The following TMEM106A variants were observed in gnomAD, a reference collection of about 807,000 sequenced individuals.
The protein encoded by TMEM106A is transmembrane protein 106A.
Under a neutral mutation model 25.1 loss-of-function variants are expected in TMEM106A, and 22 were observed. The observed-to-expected ratio is 0.88, with a 90% CI of 0.63 to 1.25. TMEM106A has a LOEUF of 1.25. TMEM106A is among the 50% of genes most tolerant of loss of function. The pLI is 0.00. For synonymous variants in TMEM106A, 104 were observed against 129.9 expected, an observed-to-expected ratio of 0.80 and a Z score of 1.35; for missense variants, 275 against 318.1, an observed-to-expected ratio of 0.86 and a Z score of 1.03.
intron 5 of TMEM106A, 22 bp downstream of exon 5, chr17:43,215,963 C>T (rs1287910290): frequency 1.9e-6 from 3 of 1,613,280 alleles, no homozygotes; most frequent in South Asian, 2.2e-5. Context: ...CCCTTGGCTC[C>T]AAACCCCCCT....
At chr17:43,217,435 A>T in intron 8 of TMEM106A, 123 bp downstream of exon 8, 1 of 1,349,170 alleles carries the variant, frequency 7.4e-7, no homozygotes, top group Non-Finnish European at 1.1e-6. Flanking sequence ...GCTCTTGGGA[A>T]TAGCAAGTCT....
Position 43,213,209 on chromosome 17 carries a change from C to T in TMEM106A, c.168C>T (p.Phe56=), listed in dbSNP as rs768048129. ...VPCEGTADAS[F]VTCPTCQGSG... is the part of the protein sequence containing the mutation. ...GTGAAGGAACTGCTGATGCCAGCTT[C>T]GTGACTTGTCCCACCTGCCAGGGCA... The change falls in exon 3 of 9, where the codon TTC becomes TTT. Residue 56 remains phenylalanine, a synonymous_variant. Coordinates refer to ENST00000612339, the MANE Select transcript of TMEM106A (RefSeq NM_145041.4). 96 of 1,614,106 alleles carry T rather than the reference C, an allele frequency of 5.9e-5. No individual in the cohort carries two copies. Among genetic ancestry groups the T allele is most frequent in the Non-Finnish European group, 4.2e-5 (50 of 1,180,054 alleles).
At chr17:43,215,729 GA>G in intron 4 of TMEM106A, 58 bp from the exon 5 acceptor site, 2 of 1,593,018 alleles carry the variant, frequency 1.3e-6, no homozygotes, top group African/African-American at 2.7e-5. Flanking sequence ...CCCCCTCTCC[GA>G]GTTTCCTTGG....
intron 6 of TMEM106A, 45 bp downstream of exon 6, chr17:43,216,634 T>C: frequency 6.2e-7 from 1 of 1,614,122 alleles, no homozygotes. Context: ...GGTGTGTGGA[T>C]GTGTGGTAGT....
chr17:43,217,038 A>C, intron 7 of TMEM106A: 1 of 632,654 alleles, frequency 1.6e-6, no homozygotes, highest in Admixed American at 2.8e-5. Flanking sequence ...ATGGGGGTCC[A>C]GCATGTGCCT....
At position 43,217,303 on chromosome 17, in the gene TMEM106A, T is replaced by C. The variant is rs1167323574; in HGVS notation, c.659T>C (p.Leu220Ser). 11 of 1,614,116 alleles carry C rather than the reference T, an allele frequency of 6.8e-6. No individual in the cohort carries two copies. The highest frequency in any genetic ancestry group is 8.5e-7 in the Non-Finnish European group (1 of 1,180,040). Residue 220 changes from leucine (L) to serine (S), a missense_variant, in exon 8 of 9, where the codon TTG becomes TCG. Transcript: ENST00000612339. ...GAAATCAAAGTCCACCATGTGCTTTTGCACATCCAGTAAGTAGAGCTTGGA... is the reference window on the plus strand; with the variant it reads ...GAAATCAAAGTCCACCATGTGCTTTCGCACATCCAGTAAGTAGAGCTTGGA... ...WLEIKVHHVL[L>S]HIQGTLTCSY...
chr17:43,213,715 T>C, intron 3 of TMEM106A, 113 bp from the exon 4 acceptor site: 1 of 1,047,354 alleles, frequency 9.5e-7, no homozygotes, highest in Non-Finnish European at 1.4e-6. Flanking sequence ...AGATGTGGCA[T>C]GTTTCTAACA....
chr17:43,213,033 C>A lies in TMEM106A; in HGVS notation c.-9C>A. 6.2e-7 allele frequency: 1 copy of A among 1,614,066 alleles called. No homozygotes were observed. The highest frequency in any genetic ancestry group is 8.5e-7 in the Non-Finnish European group (1 of 1,179,976). On this transcript the variant is annotated 5_prime_UTR_variant, in exon 3 of 9. Coordinates refer to ENST00000612339, the MANE Select transcript of TMEM106A (RefSeq NM_145041.4). ...CTTTTCTCATTAGTGAAACCCCCGC[C>A]CCTGAAGAATGGGTAAGACGTTTTC...
intron 5 of TMEM106A, chr17:43,216,210 C>T: frequency 3.0e-6 from 2 of 662,178 alleles, no homozygotes; most frequent in Non-Finnish European, 5.1e-6. Flanking sequence ...TCTGGATGGA[C>T]AGGACTGAAT....
intron 4 of TMEM106A, among the ~76,000 whole-genome samples, chr17:43,214,508 T>G (rs754292137): frequency 6.5e-4 from 99 of 152,350 alleles, no homozygotes; most frequent in African/African-American, 2.3e-3. Context: ...TGTCCGCTGT[T>G]CTGGGATACT....
chr17:43,212,504 A>G, intron 2 of TMEM106A, 110 bp downstream of exon 2: 1 of 154,472 alleles, frequency 6.5e-6, no homozygotes, highest in Non-Finnish European at 1.4e-5. Flanking sequence ...TGAAAGACAG[A>G]CCCTGGTATC....
rs575020617 is a variant in TMEM106A, at chr17:43,218,251, G to A, written c.*450G>A. On this transcript the variant is annotated 3_prime_UTR_variant, in exon 9 of 9. Transcript: ENST00000612339. The stretch of plus-strand genomic sequence containing the variant: ...CTTAGATTCCCTGGAGTGGCACCTG[G>A]CCTTTCTGTACTGAGCACCTGGTCA... The A allele has an allele frequency of 5.8e-4, 111 of 192,476 alleles. 2 individuals carry two copies. In the South Asian group the frequency reaches 0.011, roughly 18 times the overall value. 11.9% of individuals were successfully genotyped at this position (192,476 alleles called of 1,614,324 possible). A position where few individuals can be genotyped will look rare whatever the true frequency, so the allele number is the denominator to read the frequency against.
intron 7 of TMEM106A, 133 bp from the exon 8 acceptor site, chr17:43,217,124 AGT>A: frequency 2.3e-6 from 2 of 866,396 alleles, no homozygotes; most frequent in Middle Eastern, 3.4e-4. Flanking sequence ...AAGGGGTGGG[AGT>A]GACATTTTGG....
chr17:43,216,011 A>G, intron 5 of TMEM106A, 70 bp downstream of exon 5: 1 of 1,588,924 alleles, frequency 6.3e-7, no homozygotes, highest in Non-Finnish European at 8.6e-7. Context: ...GTCCAGTGTT[A>G]TGACCCTGGG....
At chr17:43,216,204 G>T in intron 5 of TMEM106A, 1 of 656,260 alleles carries the variant, frequency 1.5e-6, no homozygotes, top group South Asian at 1.9e-5. Context: ...AGACTCTCTG[G>T]ATGGACAGGA....
intron 8 of TMEM106A, 28 bp downstream of exon 8, chr17:43,217,340 C>T: frequency 6.2e-7 from 1 of 1,612,446 alleles, no homozygotes. Flanking sequence ...CTCTGGTATC[C>T]CTGCTCTCAC....
chr17:43,213,972 C>G (rs2154582569), intron 4 of TMEM106A, 81 bp downstream of exon 4: 2 of 1,418,336 alleles, frequency 1.4e-6, no homozygotes, highest in African/African-American at 1.4e-5. Context: ...TTTGATCTCC[C>G]TTAATTTCTT....
intron 4 of TMEM106A, 83 bp from the exon 5 acceptor site, chr17:43,215,705 G>C: frequency 6.8e-7 from 1 of 1,469,000 alleles, no homozygotes; most frequent in Non-Finnish European, 9.4e-7. Context: ...TGTATATGGA[G>C]AGGAGTGTCT....
Position 43,217,847 on chromosome 17 carries a change from T to C in TMEM106A, c.*46T>C. ...TCCAGGCACCTGCAACCCTGGTCTA[T>C]ATCTCCCACAACTCCCTGGTGACTA... On this transcript the variant is annotated 3_prime_UTR_variant, in exon 9 of 9. Coordinates refer to ENST00000612339, the MANE Select transcript of TMEM106A (RefSeq NM_145041.4). 1 of 1,611,922 alleles carries C rather than the reference T, an allele frequency of 6.2e-7. No homozygotes were observed. Among genetic ancestry groups the C allele is most frequent in the East Asian group, 2.2e-5 (1 of 44,854 alleles).
Sources: allele counts gnomAD v4.1 joint callset (sites outside exome capture counted in the v4.1 genomes callset), GRCh38; gene constraint gnomAD v4.1.1; transcripts MANE v1.5; gene names NCBI Gene and HGNC (gene_info 2026-07-23, HGNC 2026-07-21).